HMCN1: variants seen among roughly 807,000 people sequenced by gnomAD.
HMCN1 encodes hemicentin 1.
Under a neutral mutation model 625.9 loss-of-function variants are expected in HMCN1, and 321 were observed. That is an observed-to-expected ratio of 0.51 (90% CI 0.47 to 0.56). The LOEUF is 0.56. Among genes scored for constraint, HMCN1 ranks in the 20% least tolerant of loss-of-function variants. The pLI, the probability that HMCN1 is intolerant of heterozygous loss-of-function variation, is 0.00. For synonymous variants in HMCN1, 2,425 were observed against 2,417.6 expected (o/e 1.00, Z -0.09); for missense variants, 6,588 against 6,887.3 (o/e 0.96, Z 1.54).
At chr1:185,813,511 A>G (rs1294979528) in intron 1 of HMCN1, among the ~76,000 whole-genome samples, 1 of 152,186 alleles carries the variant, frequency 6.6e-6, no homozygotes, top group Non-Finnish European at 1.5e-5. Context: ...TTGAATAAGC[A>G]TAAATTTAGT....
At chr1:185,931,977 C>T (rs1388169166) in intron 10 of HMCN1, among the ~76,000 whole-genome samples, 1 of 152,166 alleles carries the variant, frequency 6.6e-6, no homozygotes, top group Admixed American at 6.5e-5. Flanking sequence ...ATTAAAAATA[C>T]AGGATGCCCA....
intron 4 of HMCN1, among the ~76,000 whole-genome samples, chr1:185,883,879 ATTTTTTTTTTTTT>A (rs1205211897): frequency 5.4e-5 from 3 of 55,934 alleles, no homozygotes; most frequent in Non-Finnish European, 3.7e-5. Context: ...ATAGGTCATG[ATTTTTTTTTTTTT>A]TTTTTTTTTT....
At chr1:186,119,633 A>T in intron 78 of HMCN1, 112 bp from the exon 79 acceptor site, 4 of 1,113,522 alleles carry the variant, frequency 3.6e-6, no homozygotes, top group Non-Finnish European at 5.3e-6. Context: ...GGGCAATCAA[A>T]TCACTAATAT....
chr1:186,173,095 C>T (rs1015773571), intron 102 of HMCN1, among the ~76,000 whole-genome samples: 2 of 152,126 alleles, frequency 1.3e-5, no homozygotes, highest in African/African-American at 4.8e-5. Flanking sequence ...TAACCTTGGA[C>T]AAGTCTTATG....
At chr1:186,144,144 C>CTTGCAG (rs1650135639) in intron 89 of HMCN1, 29 bp from the exon 90 acceptor site, 1 of 1,558,868 alleles carries the variant, frequency 6.4e-7, no homozygotes, top group East Asian at 2.3e-5. Flanking sequence ...GGTTCTGTGA[C>CTTGCAG]TTGCAACTGT....
At chr1:186,046,847 A>G (rs1656605446) in intron 41 of HMCN1, among the ~76,000 whole-genome samples, 1 of 152,126 alleles carries the variant, frequency 6.6e-6, no homozygotes, top group South Asian at 2.1e-4. Flanking sequence ...CAGATTCAGG[A>G]GGACAGAAGA....
chr1:185,767,334 A>G (rs1293889178), intron 1 of HMCN1, among the ~76,000 whole-genome samples: 2 of 152,202 alleles, frequency 1.3e-5, no homozygotes, highest in Non-Finnish European at 2.9e-5. Context: ...CAATTATCTG[A>G]ATATATCATG....
chr1:186,075,565 A>G (rs1222320741), intron 53 of HMCN1, among the ~76,000 whole-genome samples: 1 of 152,126 alleles, frequency 6.6e-6, no homozygotes, highest in Non-Finnish European at 1.5e-5. Flanking sequence ...TAAATGAGAT[A>G]AAGTATATAA....
At position 186,119,270 on chromosome 1, in the gene HMCN1, A is replaced by G. The variant is rs181531484; in HGVS notation, c.11928A>G (p.Ala3976=). The G allele has an allele frequency of 6.2e-7, 1 of 1,613,882 alleles. No individual in the cohort carries two copies. Among genetic ancestry groups the G allele is most frequent in the East Asian group, 2.2e-5 (1 of 44,878 alleles). ...TCGCTAGGAATGCGGCTGGCTCTGC[A>G]CATCGACACGTGACCCTTCATGTTC... The part of the protein sequence containing the change: ...TCVARNAAGS[A]HRHVTLHVHE... Residue 3976 remains alanine (A), a synonymous_variant, in exon 78 of 107, where the codon GCA becomes GCG. Coordinates refer to ENST00000271588, the MANE Select transcript of HMCN1 (RefSeq NM_031935.3).
intron 45 of HMCN1, 98 bp from the exon 46 acceptor site, chr1:186,057,136 G>C (rs1657385278): frequency 5.0e-6 from 5 of 992,046 alleles, no homozygotes; most frequent in Non-Finnish European, 7.9e-6. Context: ...AACATACACT[G>C]TTTAGGATTT....
chr1:185,848,571 T>A (rs1661976305), intron 2 of HMCN1, among the ~76,000 whole-genome samples: 1 of 152,120 alleles, frequency 6.6e-6, no homozygotes, highest in African/African-American at 2.4e-5. Flanking sequence ...AGCCTTGACC[T>A]CTTTCCTGAG....
chr1:185,845,013 C>A (rs894596692), intron 1 of HMCN1, among the ~76,000 whole-genome samples: 6 of 152,196 alleles, frequency 3.9e-5, no homozygotes, highest in African/African-American at 7.2e-5. Flanking sequence ...GTGGCCCCAC[C>A]TTTTCCTGTT....
At chr1:186,011,280 C>T (rs1317657945) in intron 30 of HMCN1, among the ~76,000 whole-genome samples, 4 of 152,138 alleles carry the variant, frequency 2.6e-5, no homozygotes, top group African/African-American at 9.7e-5. Context: ...CTCCTGACCT[C>T]GTGATCCGCC....
intron 35 of HMCN1, among the ~76,000 whole-genome samples, chr1:186,020,405 T>C (rs1654646529): frequency 6.6e-6 from 1 of 152,058 alleles, no homozygotes; most frequent in African/African-American, 2.4e-5. Flanking sequence ...ATATGTTATG[T>C]TCCTTTTTTA....
intron 80 of HMCN1, among the ~76,000 whole-genome samples, 156 bp downstream of exon 80, chr1:186,120,301 A>C (rs1374850527): frequency 1.3e-5 from 2 of 152,216 alleles, no homozygotes; most frequent in Non-Finnish European, 2.9e-5. Flanking sequence ...CACTTTTATG[A>C]AGAAAGTTTA....
intron 40 of HMCN1, among the ~76,000 whole-genome samples, chr1:186,043,423 A>G (rs756613745): frequency 2.6e-5 from 4 of 152,038 alleles, no homozygotes; most frequent in African/African-American, 4.8e-5. Context: ...CAAATACTCC[A>G]TTGTTTTTGC....
At chr1:186,121,149 G>A (rs967327134) in intron 80 of HMCN1, among the ~76,000 whole-genome samples, 9 of 152,170 alleles carry the variant, frequency 5.9e-5, no homozygotes, top group Non-Finnish European at 1.3e-4. Flanking sequence ...AGAAAGTATG[G>A]CAGTGTGGCT....
intron 1 of HMCN1, among the ~76,000 whole-genome samples, chr1:185,768,854 A>C (rs1207225044): frequency 6.6e-6 from 1 of 152,206 alleles, no homozygotes; most frequent in Non-Finnish European, 1.5e-5. Context: ...GTTAAGTATC[A>C]TATCTGTTAC....
intron 30 of HMCN1, among the ~76,000 whole-genome samples, chr1:186,014,659 T>C (rs928182146): frequency 3.3e-5 from 5 of 151,638 alleles, no homozygotes; most frequent in African/African-American, 1.2e-4. Context: ...GTCTTGGCAG[T>C]CCCCACCTCC....
Sources: allele counts gnomAD v4.1 joint callset (sites outside exome capture counted in the v4.1 genomes callset), GRCh38; gene constraint gnomAD v4.1.1; transcripts MANE v1.5; gene names NCBI Gene and HGNC (gene_info 2026-07-23, HGNC 2026-07-21).